PRDM16: variants seen among roughly 807,000 people sequenced by gnomAD.
PRDM16 encodes the protein histone-lysine N-methyltransferase PRDM16.
In PRDM16, 23 loss-of-function variants were observed where a neutral mutation model predicts 110.6. That is an observed-to-expected ratio of 0.21 (90% CI 0.15 to 0.29). PRDM16 has a LOEUF of 0.29. Among genes scored for constraint, PRDM16 ranks in the 10% least tolerant of loss-of-function variants. The probability of loss-of-function intolerance (pLI) is 1.00; values close to 1 mark genes in which losing one functional copy is unlikely to be tolerated. For synonymous variants in PRDM16, 799 were observed against 781.8 expected (o/e 1.02, Z -0.37); for missense variants, 1,615 against 1,794.3 (o/e 0.90, Z 1.81).
At position 3,357,683 on chromosome 1, in the gene PRDM16, G is replaced by C. The variant is rs907286712; in HGVS notation, c.439-27469G>C. ...CCCAGTCGTCTACGCCCATGGCCGC[G>C]AGCGCCTCTGCCTCCGGAGCAGTGG... On this transcript the variant is annotated intron_variant, in intron 3 of 16. Coordinates refer to ENST00000270722, the MANE Select transcript of PRDM16 (RefSeq NM_022114.4). 2.0e-4 allele frequency among the ~76,000 whole-genome samples: 30 copies of C among 152,310 alleles called. 4 individuals are homozygous for C. Among genetic ancestry groups the C allele is most frequent in the Admixed American group, 1.1e-3 (17 of 15,306 alleles).
intron 1 of PRDM16, among the ~76,000 whole-genome samples, chr1:3,086,590 A>C (rs1207476250): frequency 6.6e-6 from 1 of 152,046 alleles, no homozygotes; most frequent in East Asian, 1.9e-4. Flanking sequence ...CCTGTCTGGA[A>C]GCACAAGGGC....
At position 3,080,310 on chromosome 1, in the gene PRDM16, C is replaced by T. The variant is rs149745330; in HGVS notation, c.37+11014C>T. Among the ~76,000 whole-genome samples, 160 of 152,316 alleles carry T rather than the reference C, an allele frequency of 1.1e-3. No homozygotes were observed. Among genetic ancestry groups the T allele is most frequent in the African/African-American group, 3.6e-3 (149 of 41,570 alleles). On this transcript the variant is annotated intron_variant, in intron 1 of 16. Transcript: ENST00000270722. This position sits in a 1 kb window ranked among gnomAD's most constrained non-coding sequence, Gnocchi z 5.2. ...TGAATGGGGTATTCAGTTCCCAGCC[C>T]AGGCTGAGCGTACAGCGAGTGACTG...
At chr1:3,082,288 T>A (rs1408253246) in intron 1 of PRDM16, among the ~76,000 whole-genome samples, 1 of 152,176 alleles carries the variant, frequency 6.6e-6, no homozygotes, top group Non-Finnish European at 1.5e-5. Flanking sequence ...CCTTGGGTTC[T>A]GCAGGAGCAG....
chr1:3,281,336 G>A (rs1381508899), intron 3 of PRDM16, among the ~76,000 whole-genome samples: 1 of 152,146 alleles, frequency 6.6e-6, no homozygotes, highest in African/African-American at 2.4e-5. Context: ...TCCAGACCAG[G>A]CTGGCACTGA....
intron 3 of PRDM16, among the ~76,000 whole-genome samples, chr1:3,334,714 C>A (rs1425650556): frequency 6.6e-6 from 1 of 152,246 alleles, no homozygotes; most frequent in African/African-American, 2.4e-5. Context: ...TCCAGGTTCA[C>A]CCACGTCCTT....
At chr1:3,154,656 G>A (rs1191661927) in intron 1 of PRDM16, among the ~76,000 whole-genome samples, 7 of 152,074 alleles carry the variant, frequency 4.6e-5, no homozygotes, top group Admixed American at 1.3e-4. Context: ...GCAGTCGGCC[G>A]GGCATCCTGC....
At chr1:3,360,525 G>A (rs529563537) in intron 3 of PRDM16, among the ~76,000 whole-genome samples, 1 of 152,328 alleles carries the variant, frequency 6.6e-6, no homozygotes, top group South Asian at 2.1e-4. Flanking sequence ...ATGGACTGTG[G>A]CGTAGATGCT....
intron 1 of PRDM16, among the ~76,000 whole-genome samples, chr1:3,078,320 C>G (rs1207561920): frequency 6.6e-6 from 1 of 152,232 alleles, no homozygotes; most frequent in Non-Finnish European, 1.5e-5. Context: ...TACAGGCTGC[C>G]TCCCGCTGTG....
intron 1 of PRDM16, among the ~76,000 whole-genome samples, chr1:3,155,753 G>T (rs1643850833): frequency 6.6e-6 from 1 of 152,220 alleles, no homozygotes; most frequent in Non-Finnish European, 1.5e-5. Flanking sequence ...CTAGGTGGTT[G>T]CAAGGCTTCG....
intron 1 of PRDM16, among the ~76,000 whole-genome samples, chr1:3,140,812 G>A (rs966137407): frequency 2.1e-4 from 32 of 152,366 alleles, no homozygotes; most frequent in African/African-American, 5.5e-4. Flanking sequence ...CGCATCCTGC[G>A]TTCCATGGTA....
chr1:3,346,501 G>A (rs185860627), intron 3 of PRDM16, among the ~76,000 whole-genome samples: 6 of 152,238 alleles, frequency 3.9e-5, no homozygotes, highest in East Asian at 3.9e-4. Context: ...TGGAGCACCC[G>A]CGGCATACGT....
At chr1:3,401,846 CA>C (rs1643478031) in intron 5 of PRDM16, among the ~76,000 whole-genome samples, 1 of 150,444 alleles carries the variant, frequency 6.6e-6, no homozygotes, top group African/African-American at 2.5e-5. Flanking sequence ...ATCCACAAAC[CA>C]CACATGTGCA....
intron 3 of PRDM16, among the ~76,000 whole-genome samples, chr1:3,320,976 G>A (rs1278924255): frequency 6.6e-6 from 1 of 152,250 alleles, no homozygotes; most frequent in Non-Finnish European, 1.5e-5. Flanking sequence ...AGCACCCGAG[G>A]GAGACGAAAC....
intron 1 of PRDM16, among the ~76,000 whole-genome samples, chr1:3,132,206 CG>C (rs1490699615): frequency 6.6e-6 from 1 of 152,162 alleles, no homozygotes; most frequent in African/African-American, 2.4e-5. Context: ...AAGGGTTACA[CG>C]GCGGTGCCAC....
intron 1 of PRDM16, among the ~76,000 whole-genome samples, chr1:3,155,189 G>A (rs1557488491): frequency 6.6e-6 from 1 of 152,208 alleles, no homozygotes; most frequent in Non-Finnish European, 1.5e-5. Context: ...GAAGGGCCCC[G>A]GGAGAGGCAT....
intron 3 of PRDM16, among the ~76,000 whole-genome samples, chr1:3,347,788 C>T (rs1413024697): frequency 1.3e-5 from 2 of 152,204 alleles, no homozygotes; most frequent in Non-Finnish European, 2.9e-5. Context: ...GATGCCTGCT[C>T]CAAAGCCCCT....
intron 2 of PRDM16, among the ~76,000 whole-genome samples, chr1:3,197,906 T>TCCCACTGCCCTCCCGCCAGGC (rs1638520654): frequency 6.6e-6 from 1 of 152,128 alleles, no homozygotes; most frequent in Admixed American, 6.5e-5. Context: ...CAGTGGCAGG[T>TCCCACTGCCCTCCCGCCAGGC]CCCACTGCCC....
rs143899814 is a variant in PRDM16 at position 3,306,086 on chromosome 1, A to G, written c.438+61949A>G. ...CTCCAGGTTGTGAACGGTTCTAACCATTCAGCTCTCTGATCTCTGCAGCTC... is the reference window on the plus strand; with the variant it reads ...CTCCAGGTTGTGAACGGTTCTAACCGTTCAGCTCTCTGATCTCTGCAGCTC... On this transcript the variant is annotated intron_variant, in intron 3 of 16. Coordinates refer to ENST00000270722, the MANE Select transcript of PRDM16 (RefSeq NM_022114.4). Among the ~76,000 whole-genome samples, 1,270 of 152,316 alleles carry G rather than the reference A, an allele frequency of 8.3e-3. 7 individuals are homozygous for G. The highest frequency in any genetic ancestry group is 0.02 in the Middle Eastern group (6 of 294).
At chr1:3,091,876 G>A (rs904395980) in intron 1 of PRDM16, among the ~76,000 whole-genome samples, 7 of 151,452 alleles carry the variant, frequency 4.6e-5, no homozygotes, top group African/African-American at 9.7e-5. Flanking sequence ...TCCCTCTAAC[G>A]GGGGTGATGG....
Sources: gnomAD v4.1 joint callset for allele counts (sites outside exome capture counted in the v4.1 genomes callset) on GRCh38, gnomAD v4.1.1 for gene constraint, Gnocchi (gnomAD v3.1) non-coding constraint, MANE v1.5 for transcripts, NCBI Gene and HGNC (gene_info 2026-07-23, HGNC 2026-07-21) for gene names.